Variants in ZCWPW2 observed in about 807,000 individuals in gnomAD.
ZCWPW2 encodes zinc finger CW-type and PWWP domain containing 2, also known as zinc finger CW-type PWWP domain protein 2.
ZCWPW2 carries 45 observed loss-of-function variants against 46.6 expected under a neutral mutation model. The observed-to-expected ratio is 0.96, with a 90% confidence interval of 0.76 to 1.24. The LOEUF is 1.24. Ranked by LOEUF, ZCWPW2 falls within the 50% of genes most tolerant of loss-of-function variation. The pLI is 0.00. For missense variants in ZCWPW2, 429 were observed against 403.9 expected (o/e 1.06, Z -0.53); for synonymous variants, 152 against 137.1 (o/e 1.11, Z -0.76).
chr3:28,451,600 C>A (rs757278471), intron 4 of ZCWPW2, among the ~76,000 whole-genome samples: 28 of 152,190 alleles, frequency 1.8e-4, no homozygotes, highest in Non-Finnish European at 2.5e-4. Context: ...GAAGAACAGG[C>A]AGAATTCTTA....
intron 6 of ZCWPW2, among the ~76,000 whole-genome samples, chr3:28,506,419 T>A (rs1700280712): frequency 6.6e-6 from 1 of 152,044 alleles, no homozygotes; most frequent in Admixed American, 6.6e-5. Context: ...TGGCCGTTAC[T>A]CTGAATAGTA....
intron 1 of ZCWPW2, among the ~76,000 whole-genome samples, chr3:28,360,799 C>A (rs936393518): frequency 4.0e-5 from 6 of 151,702 alleles, no homozygotes; most frequent in Non-Finnish European, 7.4e-5. Context: ...TGTCAAGGGA[C>A]CTTGAAAAGA....
chr3:28,447,318 G>A (rs751621219), intron 4 of ZCWPW2, among the ~76,000 whole-genome samples: 6 of 151,880 alleles, frequency 4.0e-5, no homozygotes, highest in African/African-American at 7.3e-5. Context: ...TGGCCAAATA[G>A]GATTTATCTT....
intron 4 of ZCWPW2, among the ~76,000 whole-genome samples, chr3:28,462,048 T>C (rs1698658242): frequency 6.6e-6 from 1 of 152,158 alleles, no homozygotes; most frequent in Non-Finnish European, 1.5e-5. Flanking sequence ...TACATTCTCA[T>C]ATGTCAGGGG....
chr3:28,489,467 C>T (rs2125814417), intron 5 of ZCWPW2, among the ~76,000 whole-genome samples: 1 of 151,882 alleles, frequency 6.6e-6, no homozygotes, highest in South Asian at 2.1e-4. Context: ...TTTCTTGAAA[C>T]ACGCTGATAT....
intron 2 of ZCWPW2, among the ~76,000 whole-genome samples, chr3:28,398,977 C>T (rs183847538): frequency 6.6e-6 from 1 of 152,168 alleles, no homozygotes; most frequent in East Asian, 1.9e-4. Context: ...TGTGCAGACT[C>T]TACAGGCGGG....
rs775752071 is a variant in ZCWPW2 at position 28,413,346 on chromosome 3, A to G, written c.278A>G (p.Tyr93Cys). 10 of 1,612,476 alleles carry G rather than the reference A, an allele frequency of 6.2e-6. No homozygotes were observed. Among genetic ancestry groups the G allele is most frequent in the South Asian group, 1.1e-5 (1 of 91,008 alleles). ...QLHQCGFKIV[Y>C]SQLPLGSLVL... ...CATCAGTGTGGATTTAAGATTGTCTATTCACAGCTCCCTCTTGGAAGCCTG... is the reference window on the plus strand; with the variant it reads ...CATCAGTGTGGATTTAAGATTGTCTGTTCACAGCTCCCTCTTGGAAGCCTG... Residue 93 changes from tyrosine (Y) to cysteine (C), a missense_variant, in exon 3 of 10, where the codon TAT becomes TGT. Coordinates refer to ENST00000383768, the MANE Select transcript of ZCWPW2 (RefSeq NM_001040432.4).
chr3:28,362,208 A>G (rs753448512), intron 1 of ZCWPW2, among the ~76,000 whole-genome samples: 71 of 152,184 alleles, frequency 4.7e-4, no homozygotes, highest in Non-Finnish European at 4.6e-4. Context: ...GTTTAGTTAT[A>G]TAAGATGAAA....
chr3:28,448,654 G>T (rs147608143), intron 4 of ZCWPW2, among the ~76,000 whole-genome samples: 1 of 151,334 alleles, frequency 6.6e-6, no homozygotes, highest in African/African-American at 2.4e-5. Context: ...GCATGTTGGC[G>T]CATGCCTATA....
At chr3:28,412,595 T>A (rs937389489) in intron 2 of ZCWPW2, among the ~76,000 whole-genome samples, 2 of 152,054 alleles carry the variant, frequency 1.3e-5, no homozygotes, top group African/African-American at 4.8e-5. Flanking sequence ...GCTTTACATT[T>A]CTTAGCTTCA....
intron 4 of ZCWPW2, among the ~76,000 whole-genome samples, chr3:28,463,796 A>G (rs1343427841): frequency 6.6e-6 from 1 of 151,890 alleles, no homozygotes; most frequent in Non-Finnish European, 1.5e-5. Context: ...AGCTATGATC[A>G]TGCCACTGCA....
chr3:28,366,623 GC>G (rs1297487542), intron 1 of ZCWPW2, among the ~76,000 whole-genome samples: 23 of 149,252 alleles, frequency 1.5e-4, no homozygotes, highest in African/African-American at 5.0e-4. Flanking sequence ...TTGTGTCTCT[GC>G]CACACTTTGG....
intron 4 of ZCWPW2, among the ~76,000 whole-genome samples, chr3:28,450,825 G>A (rs1698197896): frequency 1.3e-5 from 2 of 152,154 alleles, no homozygotes; most frequent in African/African-American, 2.4e-5. Flanking sequence ...TGGAAAGGGA[G>A]CTTTGCCATA....
rs186083517 is a variant in ZCWPW2, at chr3:28,407,203, G to A, written c.-13-5853G>A. 1.5e-3 allele frequency among the ~76,000 whole-genome samples: 227 copies of A among 152,270 alleles called. 2 individuals are homozygous for A. The highest frequency in any genetic ancestry group is 2.7e-3 in the Non-Finnish European group (187 of 68,010). On this transcript the variant is annotated intron_variant, in intron 2 of 9. Coordinates refer to ENST00000383768, the MANE Select transcript of ZCWPW2 (RefSeq NM_001040432.4). ...TTATCTTTTCAGGTTCAGCTCAAAT[G>A]CTAGCTGCTCCCTGCATCCTTCATG...
chr3:28,499,857 A>G (rs1315304011), intron 6 of ZCWPW2, among the ~76,000 whole-genome samples: 1 of 152,042 alleles, frequency 6.6e-6, no homozygotes, highest in Non-Finnish European at 1.5e-5. Flanking sequence ...GTTATTAATA[A>G]TTTGTTGATA....
chr3:28,441,406 A>G (rs1212349007), intron 4 of ZCWPW2, among the ~76,000 whole-genome samples: 1 of 152,190 alleles, frequency 6.6e-6, no homozygotes, highest in African/African-American at 2.4e-5. Context: ...TTCCATGCAA[A>G]GTGCACAACC....
chr3:28,471,766 T>C (rs1264592983), intron 4 of ZCWPW2, among the ~76,000 whole-genome samples: 1 of 152,042 alleles, frequency 6.6e-6, no homozygotes, highest in African/African-American at 2.4e-5. Flanking sequence ...GGCATCCAAA[T>C]TGGAAAGGAA....
At chr3:28,519,333 C>A (rs1319637967) in intron 8 of ZCWPW2, among the ~76,000 whole-genome samples, 3 of 152,042 alleles carry the variant, frequency 2.0e-5, no homozygotes, top group Non-Finnish European at 4.4e-5. Context: ...TTCTTGTGTT[C>A]CTGCCCCTTA....
At chr3:28,357,022 T>G (rs1356171456) in intron 1 of ZCWPW2, among the ~76,000 whole-genome samples, 2 of 151,890 alleles carry the variant, frequency 1.3e-5, no homozygotes, top group Non-Finnish European at 2.9e-5. Context: ...AAGAAAAAAA[T>G]AAATTCCCTT....
Sources: gnomAD v4.1 joint callset for allele counts (sites outside exome capture counted in the v4.1 genomes callset) on GRCh38, gnomAD v4.1.1 for gene constraint, MANE v1.5 for transcripts, NCBI Gene and HGNC (gene_info 2026-07-23, HGNC 2026-07-21) for gene names.